The following NSMAF variants were observed in gnomAD, a reference collection of about 807,000 sequenced individuals.
NSMAF encodes the protein protein FAN.
NSMAF carries 90 observed loss-of-function variants against 134.9 expected under a neutral mutation model. That is an observed-to-expected ratio of 0.67 (90% CI 0.56 to 0.79). NSMAF has a LOEUF of 0.79. Ranked by LOEUF, NSMAF falls within the 30% of genes least tolerant of loss-of-function variation. NSMAF has a pLI of 0.00. For missense variants in NSMAF, 1,010 were observed against 1,119.0 expected (o/e 0.90, Z 1.39); for synonymous variants, 358 against 389.6 (o/e 0.92, Z 0.96).
intron 12 of NSMAF, among the ~76,000 whole-genome samples, chr8:58,604,329 T>C (rs1163050425): frequency 6.6e-6 from 1 of 152,072 alleles, no homozygotes; most frequent in African/African-American, 2.4e-5. Context: ...GCAAAGTTTT[T>C]GGCTTGAGAT....
At chr8:58,641,694 G>A (rs550749141) in intron 2 of NSMAF, among the ~76,000 whole-genome samples, 1 of 152,146 alleles carries the variant, frequency 6.6e-6, no homozygotes, top group Non-Finnish European at 1.5e-5. Context: ...TACAAGTAGT[G>A]CTATAATAAC....
chr8:58,604,577 C>G (rs1400916564), intron 12 of NSMAF, among the ~76,000 whole-genome samples: 3 of 149,084 alleles, frequency 2.0e-5, no homozygotes, highest in South Asian at 2.1e-4. Flanking sequence ...TATAAACCTA[C>G]TTTAAAATAA....
intron 9 of NSMAF, among the ~76,000 whole-genome samples, chr8:58,611,731 C>G (rs1806533709): frequency 6.6e-6 from 1 of 151,660 alleles, no homozygotes; most frequent in African/African-American, 2.4e-5. Flanking sequence ...CTAACTAAAA[C>G]AAAACCAAAG....
intron 11 of NSMAF, 85 bp downstream of exon 11, chr8:58,607,684 T>C: frequency 1.0e-6 from 1 of 996,552 alleles, no homozygotes; most frequent in Non-Finnish European, 1.6e-6. Context: ...CTTTCAGACA[T>C]CCCATAAGTG....
At chr8:58,623,956 A>G (rs1418373514) in intron 6 of NSMAF, among the ~76,000 whole-genome samples, 176 bp from the exon 7 acceptor site, 1 of 149,470 alleles carries the variant, frequency 6.7e-6, no homozygotes, top group Admixed American at 6.7e-5. Context: ...TTGCTGCTCT[A>G]TTTATTATTT....
intron 1 of NSMAF, among the ~76,000 whole-genome samples, chr8:58,657,848 G>A (rs1807754656): frequency 6.6e-6 from 1 of 152,236 alleles, no homozygotes; most frequent in Non-Finnish European, 1.5e-5. Flanking sequence ...GTTGCCAAGA[G>A]CTAGAGTTCT....
intron 9 of NSMAF, among the ~76,000 whole-genome samples, chr8:58,620,260 A>G (rs1806755712): frequency 6.6e-6 from 1 of 152,244 alleles, no homozygotes; most frequent in Admixed American, 6.5e-5. Flanking sequence ...AAATAAGAAG[A>G]ATAAGCAACA....
At chr8:58,597,333 C>A in intron 21 of NSMAF, 54 bp downstream of exon 21, 1 of 1,488,620 alleles carries the variant, frequency 6.7e-7, no homozygotes, top group Non-Finnish European at 9.3e-7. Flanking sequence ...GAAACATTTT[C>A]ATCACAGAAG....
chr8:58,632,691 AG>A (rs1478687153), intron 5 of NSMAF, among the ~76,000 whole-genome samples: 6 of 152,174 alleles, frequency 3.9e-5, no homozygotes, highest in Non-Finnish European at 7.3e-5. Context: ...AAAAGTCTCT[AG>A]AAACTTCCAG....
At chr8:58,621,211 T>A (rs1806780953) in intron 9 of NSMAF, among the ~76,000 whole-genome samples, 1 of 152,164 alleles carries the variant, frequency 6.6e-6, no homozygotes, top group African/African-American at 2.4e-5. Context: ...TAGTTTTCTA[T>A]TCCCACATTA....
At chr8:58,638,481 T>C (rs1807254721) in intron 2 of NSMAF, among the ~76,000 whole-genome samples, 1 of 152,064 alleles carries the variant, frequency 6.6e-6, no homozygotes, top group African/African-American at 2.4e-5. Context: ...TCCACATATA[T>C]GCAGTCAACT....
At chr8:58,621,103 C>T (rs938830465) in intron 9 of NSMAF, among the ~76,000 whole-genome samples, 2 of 152,104 alleles carry the variant, frequency 1.3e-5, no homozygotes, top group Admixed American at 6.5e-5. Context: ...TCCCTCCCAT[C>T]CTCCACCCTC....
In NSMAF at chr8:58,600,639, A is replaced by AAAAAAATAAAAT. The variant is rs1563527535; in HGVS notation, c.1281-619_1281-618insATTTTATTTTTT. The stretch of plus-strand genomic sequence containing the variant: ...TCTGTCTCAAAAAAAAAAAAAAAAA[A>AAAAAAATAAAAT]AAAAAAAGATTAGCACCACTATCTG... On this transcript the variant is annotated intron_variant, in intron 16 of 30. Transcript: ENST00000038176. Among the ~76,000 whole-genome samples, 1,084 of 150,696 alleles carry AAAAAAATAAAAT rather than the reference A, an allele frequency of 7.2e-3. 24 individuals carry two copies. The highest frequency in any genetic ancestry group is 0.025 in the African/African-American group (1,023 of 40,958).
chr8:58,640,945 A>C (rs1807320868), intron 2 of NSMAF, among the ~76,000 whole-genome samples: 1 of 152,008 alleles, frequency 6.6e-6, no homozygotes, highest in Non-Finnish European at 1.5e-5. Context: ...TTTTTGAGAC[A>C]GAGTCTTGCT....
intron 27 of NSMAF, among the ~76,000 whole-genome samples, chr8:58,586,859 G>A (rs1272717845): frequency 1.3e-5 from 2 of 152,178 alleles, no homozygotes; most frequent in Non-Finnish European, 2.9e-5. Flanking sequence ...AGGTAATGCT[G>A]TTTTAAAATA....
rs956781724 is a variant in NSMAF at position 58,641,990 on chromosome 8, G to A, written c.149+994C>T. On this transcript the variant is annotated intron_variant, in intron 2 of 30. Coordinates refer to ENST00000038176, the MANE Select transcript of NSMAF (RefSeq NM_003580.4). ...AGAATGTTGGAAGGAAAAAAGATATGGAATTAGGGAAAAGAATATGAGCAA... is the reference window on the plus strand; with the variant it reads ...AGAATGTTGGAAGGAAAAAAGATATAGAATTAGGGAAAAGAATATGAGCAA... 2.6e-5 allele frequency among the ~76,000 whole-genome samples: 4 copies of A among 152,168 alleles called. No homozygotes were observed. In the East Asian group the frequency reaches 5.8e-4, roughly 22 times the overall value.
At chr8:58,643,269 A>T (rs138913829) in intron 1 of NSMAF, among the ~76,000 whole-genome samples, 196 bp from the exon 2 acceptor site, 51 of 152,266 alleles carry the variant, frequency 3.3e-4, no homozygotes, top group African/African-American at 1.2e-3. Flanking sequence ...CTTGTGTCCA[A>T]ATAACTACTA....
chr8:58,585,874 C>T lies in NSMAF; in HGVS notation c.2549+24G>A, dbSNP rs144156948. The T allele has an allele frequency of 1.9e-4, 308 of 1,598,494 alleles. 1 individual carries two copies. In the African/African-American group the frequency reaches 3.8e-3, roughly 20 times the overall value. On this transcript the variant is annotated intron_variant, in intron 29 of 30. Transcript: ENST00000038176. ...ATGAACATGTCTGTAAATGTCTTCG[C>T]CCCCAGTAACTCACAAACTATACCT...
At chr8:58,623,601 C>T in intron 7 of NSMAF, 108 bp downstream of exon 7, 2 of 1,103,452 alleles carry the variant, frequency 1.8e-6, no homozygotes, top group Admixed American at 2.1e-5. Flanking sequence ...CAATCTGCTA[C>T]ATATTTAGAA....
Sources: gnomAD v4.1 joint callset for allele counts (sites outside exome capture counted in the v4.1 genomes callset) on GRCh38, gnomAD v4.1.1 for gene constraint, MANE v1.5 for transcripts, NCBI Gene and HGNC (gene_info 2026-07-23, HGNC 2026-07-21) for gene names.